The following PCDHA9 variants were observed in gnomAD, a reference collection of about 807,000 sequenced individuals.
PCDHA9 encodes protocadherin alpha 9, also known as protocadherin alpha-9.
In PCDHA9, 62 loss-of-function variants were observed where a neutral mutation model predicts 62.0. The ratio of observed to expected loss-of-function variants is 1.00; its 90% CI spans 0.81 to 1.23. The LOEUF (loss-of-function observed/expected upper bound fraction) is 1.23. PCDHA9 is among the 50% of genes most tolerant of loss of function. The pLI is 0.00. For missense variants in PCDHA9, 1,205 were observed against 1,249.8 expected, an observed-to-expected ratio of 0.96 and a Z score of 0.54; for synonymous variants, 557 against 567.6, an observed-to-expected ratio of 0.98 and a Z score of 0.27.
At chr5:140,986,213 C>T (rs1554247816) in intron 3 of PCDHA9, among the ~76,000 whole-genome samples, 2 of 152,208 alleles carry the variant, frequency 1.3e-5, no homozygotes, top group Non-Finnish European at 2.9e-5. Context: ...TTACTGGCCC[C>T]TTTCTCTAGC....
intron 1 of PCDHA9, among the ~76,000 whole-genome samples, chr5:140,956,942 A>G (rs2153711637): frequency 6.7e-6 from 1 of 148,840 alleles, no homozygotes; most frequent in Admixed American, 6.8e-5. Flanking sequence ...GATAAAATTT[A>G]CATTAAAACA....
chr5:140,883,507 G>T (rs782325165), intron 1 of PCDHA9: 1 of 1,614,200 alleles, frequency 6.2e-7, no homozygotes, highest in South Asian at 1.1e-5. Flanking sequence ...ACAGCGCCCT[G>T]GACCGCGAGA....
At chr5:140,928,475 G>A (rs369473809) in intron 1 of PCDHA9, 1 of 1,614,136 alleles carries the variant, frequency 6.2e-7, no homozygotes, top group African/African-American at 1.3e-5. Context: ...GTAGAAGGCC[G>A]GGATGGTGGC....
chr5:140,918,502 C>A (rs1480204800), intron 1 of PCDHA9, among the ~76,000 whole-genome samples: 1 of 152,040 alleles, frequency 6.6e-6, no homozygotes, highest in Non-Finnish European at 1.5e-5. Context: ...TGGTACCAAT[C>A]CTTTTAAACT....
chr5:140,967,073 G>C (rs1554229137), intron 1 of PCDHA9: 1 of 1,613,160 alleles, frequency 6.2e-7, no homozygotes, highest in Non-Finnish European at 8.5e-7. Context: ...CTTCGTCAAC[G>C]AGCGCATTGA....
At chr5:140,874,703 A>G (rs782809395) in intron 1 of PCDHA9, among the ~76,000 whole-genome samples, 16 of 152,270 alleles carry the variant, frequency 1.1e-4, no homozygotes, top group Admixed American at 7.2e-4. Flanking sequence ...TATGGAAATG[A>G]GAGCAGTTAT....
At chr5:140,976,787 C>T (rs1460336492) in intron 1 of PCDHA9, among the ~76,000 whole-genome samples, 3 of 152,150 alleles carry the variant, frequency 2.0e-5, no homozygotes, top group Admixed American at 6.5e-5. Flanking sequence ...TATATAGCTA[C>T]GCTTTTATGA....
At chr5:140,853,695 C>T (rs376697449) in intron 1 of PCDHA9, 1 of 988,266 alleles carries the variant, frequency 1.0e-6, no homozygotes, top group African/African-American at 1.8e-5. Context: ...CTTAGACCTG[C>T]TAACGCATTA....
intron 1 of PCDHA9, among the ~76,000 whole-genome samples, chr5:140,956,723 A>G (rs536528599): frequency 6.6e-6 from 1 of 152,166 alleles, no homozygotes; most frequent in Non-Finnish European, 1.5e-5. Context: ...AAGAATTGGT[A>G]CCAGCTCCTC....
Position 140,850,770 on chromosome 5 carries a change from T to A in PCDHA9, c.2275T>A (p.Cys759Ser). The A allele has an allele frequency of 6.3e-7, 1 of 1,598,038 alleles. No homozygotes were observed. The highest frequency in any genetic ancestry group is 8.6e-7 in the Non-Finnish European group (1 of 1,167,666). The change falls in exon 1 of 4, where the codon TGC becomes AGC. Residue 759 changes from cysteine (C) to serine (S), a missense_variant. Around this residue, in one of 3 missense-constraint regions of PCDHA9, gnomAD observed 887 missense variants for 809.5 expected, o/e 1.10. Coordinates refer to ENST00000532602, the MANE Select transcript of PCDHA9 (RefSeq NM_031857.2). The part of the protein sequence containing the change: ...SYSQQRRQRV[C>S]SGEGKQKTDL... ...CTCGCAGCAGAGGAGGCAGAGGGTGTGCTCTGGCGAGGGTAAGCAGAAGAC... is the reference window on the plus strand; with the variant it reads ...CTCGCAGCAGAGGAGGCAGAGGGTGAGCTCTGGCGAGGGTAAGCAGAAGAC...
At chr5:140,918,226 T>C (rs528915665) in intron 1 of PCDHA9, among the ~76,000 whole-genome samples, 1 of 152,342 alleles carries the variant, frequency 6.6e-6, no homozygotes, top group African/African-American at 2.4e-5. Context: ...ATGCTGATTT[T>C]TGTACATTGA....
intron 3 of PCDHA9, among the ~76,000 whole-genome samples, chr5:140,988,499 C>CTT (rs2097300398): frequency 6.6e-6 from 1 of 152,138 alleles, no homozygotes; most frequent in Non-Finnish European, 1.5e-5. Context: ...CTAGGAGAAG[C>CTT]CATGAAGCTT....
chr5:140,965,855 T>G (rs961780781), intron 1 of PCDHA9, among the ~76,000 whole-genome samples: 1 of 152,226 alleles, frequency 6.6e-6, no homozygotes, highest in African/African-American at 2.4e-5. Context: ...AGGCACACAC[T>G]GAAAATAAGG....
At chr5:140,876,614 C>G in intron 1 of PCDHA9, 1 of 1,614,130 alleles carries the variant, frequency 6.2e-7, no homozygotes, top group Non-Finnish European at 8.5e-7. Flanking sequence ...GACTCTGGAG[C>G]CAATGGACAG....
chr5:141,011,822 A>G lies in PCDHA9; in HGVS notation c.*1885A>G, dbSNP rs181852141. 7 of 153,844 alleles carry G rather than the reference A, an allele frequency of 4.6e-5. No homozygotes were observed. The highest frequency in any genetic ancestry group is 1.4e-4 in the African/African-American group (6 of 41,546). The allele number at this position is 153,844 out of a possible 1,614,324, so 9.5% of individuals were successfully genotyped here. A position where few individuals can be genotyped will look rare whatever the true frequency, so the allele number is the denominator to read the frequency against. On this transcript the variant is annotated 3_prime_UTR_variant, in exon 4 of 4. Transcript: ENST00000532602. ...ATATCAGCTCATAGAAAGTAACAAA[A>G]TTTGCTGTCACCTTAAATAAGACAT...
At chr5:140,946,452 T>C (rs2093945325) in intron 1 of PCDHA9, among the ~76,000 whole-genome samples, 1 of 151,436 alleles carries the variant, frequency 6.6e-6, no homozygotes. Flanking sequence ...AAAACAACTA[T>C]CCAGCAATCC....
At chr5:140,987,722 T>C (rs2097265966) in intron 3 of PCDHA9, among the ~76,000 whole-genome samples, 1 of 152,204 alleles carries the variant, frequency 6.6e-6, no homozygotes, top group Admixed American at 6.5e-5. Context: ...GAGTCTATCC[T>C]ACAGCTTCAA....
At chr5:140,876,762 G>T in intron 1 of PCDHA9, 1 of 1,614,252 alleles carries the variant, frequency 6.2e-7, no homozygotes, top group South Asian at 1.1e-5. Flanking sequence ...CGCGGGATGG[G>T]GGCTCGCCTT....
intron 1 of PCDHA9, chr5:140,884,750 A>T (rs1032518651): frequency 8.1e-5 from 116 of 1,431,120 alleles, no homozygotes; most frequent in Non-Finnish European, 1.2e-5. Context: ...TGCCAATTTC[A>T]AATTATTCTT....
Sources: allele counts gnomAD v4.1 joint callset (sites outside exome capture counted in the v4.1 genomes callset), GRCh38; gene constraint gnomAD v4.1.1; regional missense constraint gnomAD v4.1.1; transcripts MANE v1.5; gene names NCBI Gene and HGNC (gene_info 2026-07-23, HGNC 2026-07-21).